The following RBM47 variants were observed in gnomAD, a reference collection of about 807,000 sequenced individuals.
RBM47 encodes the protein RNA binding motif protein 47, also known as RNA-binding protein 47.
RBM47 carries 21 observed loss-of-function variants against 47.1 expected under a neutral mutation model. The observed-to-expected ratio is 0.45, with a 90% CI of 0.32 to 0.64. RBM47 has a LOEUF of 0.64. Among genes scored for constraint, RBM47 ranks in the 30% least tolerant of loss-of-function variants. The pLI, the probability that RBM47 is intolerant of heterozygous loss-of-function variation, is 0.05. For synonymous variants in RBM47, 375 were observed against 361.7 expected, an observed-to-expected ratio of 1.04 and a Z score of -0.42; for missense variants, 708 against 870.9, an observed-to-expected ratio of 0.81 and a Z score of 2.35.
intron 1 of RBM47, among the ~76,000 whole-genome samples, chr4:40,565,755 G>GA (rs1251642525): frequency 6.6e-6 from 1 of 151,906 alleles, no homozygotes; most frequent in Non-Finnish European, 1.5e-5. Context: ...CAAAGATAGA[G>GA]AAAAAAGAGA....
intron 3 of RBM47, among the ~76,000 whole-genome samples, chr4:40,443,717 C>CAAAAAAAAAAAAAAAAA (rs10581870): frequency 4.2e-5 from 2 of 47,746 alleles, no homozygotes; most frequent in African/African-American, 1.7e-4. Flanking sequence ...AACTCCTTCT[C>CAAAAAAAAAAAAAAAAA]AAAAAAAAAA....
chr4:40,530,061 G>C (rs192294592), intron 2 of RBM47, among the ~76,000 whole-genome samples: 1 of 141,262 alleles, frequency 7.1e-6, no homozygotes, highest in Non-Finnish European at 1.5e-5. Flanking sequence ...TCAGCCTCCC[G>C]ATGAGCTGGG....
chr4:40,602,645 T>TAA (rs535210913), intron 1 of RBM47, among the ~76,000 whole-genome samples: 1,870 of 122,796 alleles, frequency 0.015, 46 homozygotes, highest in African/African-American at 0.051. Context: ...AGAATCCGTT[T>TAA]AAAAAAAAAA....
intron 1 of RBM47, among the ~76,000 whole-genome samples, chr4:40,576,551 A>G (rs1732357087): frequency 6.6e-6 from 1 of 152,134 alleles, no homozygotes. Context: ...CTAACATCAC[A>G]ATGAGAAATC....
At chr4:40,630,852 C>A (rs964537624), upstream of RBM47, 4 of 151,966 alleles carry the variant, frequency 2.6e-5, no homozygotes, top group Non-Finnish European at 4.4e-5. Context: ...GCGGAATGGG[C>A]CAACAGGAAT....
intron 5 of RBM47, 133 bp from the exon 6 acceptor site, chr4:40,432,995 C>G: frequency 1.1e-5 from 14 of 1,290,764 alleles, no homozygotes; most frequent in Non-Finnish European, 1.4e-5. Context: ...GGGTCTCACT[C>G]TGTGGCCCAG....
chr4:40,537,405 G>A (rs757957642), intron 2 of RBM47, among the ~76,000 whole-genome samples: 2 of 151,768 alleles, frequency 1.3e-5, no homozygotes, highest in Non-Finnish European at 2.9e-5. Context: ...TGGGACTACA[G>A]GTGCAAGCCA....
intron 2 of RBM47, among the ~76,000 whole-genome samples, chr4:40,519,852 T>G (rs1726024978): frequency 6.6e-6 from 1 of 151,888 alleles, no homozygotes; most frequent in African/African-American, 2.4e-5. Flanking sequence ...GTATTTTTAG[T>G]AGAGACGGGG....
intron 3 of RBM47, among the ~76,000 whole-genome samples, chr4:40,458,026 A>T (rs188509172): frequency 2.2e-4 from 33 of 152,342 alleles, no homozygotes; most frequent in Admixed American, 3.9e-4. Flanking sequence ...ACTTACAGTC[A>T]TTATAATGGT....
chr4:40,564,146 T>C (rs972888869), intron 1 of RBM47, among the ~76,000 whole-genome samples: 55 of 152,370 alleles, frequency 3.6e-4, no homozygotes, highest in African/African-American at 1.0e-3. Flanking sequence ...GCTTCCCATA[T>C]TGCAGTGAGG....
At chr4:40,606,366 AAAAAG>A (rs1369200422) in intron 1 of RBM47, among the ~76,000 whole-genome samples, 4 of 152,102 alleles carry the variant, frequency 2.6e-5, no homozygotes, top group South Asian at 2.1e-4. Flanking sequence ...CGGTAAGAAA[AAAAAG>A]AAAAGAAAAA....
intron 1 of RBM47, among the ~76,000 whole-genome samples, chr4:40,559,192 T>C (rs986620166): frequency 6.6e-6 from 1 of 152,206 alleles, no homozygotes; most frequent in African/African-American, 2.4e-5. Context: ...CAAGACAGAA[T>C]ATAAGCTAGT....
intron 1 of RBM47, among the ~76,000 whole-genome samples, chr4:40,545,242 G>A (rs1036765397): frequency 2.0e-5 from 3 of 150,762 alleles, no homozygotes; most frequent in African/African-American, 7.3e-5. Flanking sequence ...TAGTAGAGAC[G>A]GGGTTTCACC....
At chr4:40,498,667 T>C (rs1252802262) in intron 2 of RBM47, among the ~76,000 whole-genome samples, 2 of 83,964 alleles carry the variant, frequency 2.4e-5, no homozygotes, top group Non-Finnish European at 4.2e-5. Context: ...AGAGACTCCA[T>C]CTCAAAAAAA....
At chr4:40,452,806 T>G (rs1302837627) in intron 3 of RBM47, among the ~76,000 whole-genome samples, 1 of 151,764 alleles carries the variant, frequency 6.6e-6, no homozygotes, top group Middle Eastern at 3.2e-3. Flanking sequence ...ACAATAAATA[T>G]TTGTCAAATA....
Position 40,628,314 on chromosome 4 carries a change from T to C in RBM47, c.-240+1082A>G, listed in dbSNP as rs1167917372. 6.6e-6 allele frequency among the ~76,000 whole-genome samples: 1 copy of C among 152,242 alleles called. No homozygotes were observed. The highest frequency in any genetic ancestry group is 1.5e-5 in the Non-Finnish European group (1 of 68,042). On this transcript the variant is annotated intron_variant, in intron 1 of 6. Coordinates refer to ENST00000295971, the MANE Select transcript of RBM47 (RefSeq NM_001098634.2). The surrounding 1 kb of genome is among the most constrained non-coding windows in gnomAD (Gnocchi z 4.0). ...TAGTTCCCTCCAAGACTTCAAGTCATTGATCTAACAAAGATCATTGTTTAA... is the reference window on the plus strand; with the variant it reads ...TAGTTCCCTCCAAGACTTCAAGTCACTGATCTAACAAAGATCATTGTTTAA...
chr4:40,609,174 A>G (rs1736028978), intron 1 of RBM47, among the ~76,000 whole-genome samples: 1 of 151,732 alleles, frequency 6.6e-6, no homozygotes, highest in Admixed American at 6.6e-5. Context: ...TTGTATTTTT[A>G]GTAGAAATGG....
At chr4:40,448,691 G>A (rs1375523672) in intron 3 of RBM47, among the ~76,000 whole-genome samples, 1 of 152,154 alleles carries the variant, frequency 6.6e-6, no homozygotes, top group East Asian at 1.9e-4. Context: ...ACATCTCTAA[G>A]ATGGTTCTAG....
intron 2 of RBM47, among the ~76,000 whole-genome samples, chr4:40,476,468 T>C (rs1016384143): frequency 4.0e-5 from 6 of 151,768 alleles, no homozygotes; most frequent in Non-Finnish European, 7.4e-5. Flanking sequence ...GAGCTAGAAA[T>C]TGATTTACTC....
Sources: allele counts gnomAD v4.1 joint callset (sites outside exome capture counted in the v4.1 genomes callset), GRCh38; gene constraint gnomAD v4.1.1; non-coding constraint Gnocchi (gnomAD v3.1); transcripts MANE v1.5; gene names NCBI Gene and HGNC (gene_info 2026-07-23, HGNC 2026-07-21).